The following CCDC181 variants were observed in gnomAD, a reference collection of about 807,000 sequenced individuals.
The protein encoded by CCDC181 is coiled-coil domain containing 181, also known as coiled-coil domain-containing protein 181.
A neutral mutation model predicts 58.7 loss-of-function variants in CCDC181; 35 were observed. The ratio of observed to expected loss-of-function variants is 0.60; its 90% CI spans 0.46 to 0.79. The LOEUF is 0.79. Among genes scored for constraint, CCDC181 ranks in the 30% least tolerant of loss-of-function variants. The pLI, the probability that CCDC181 is intolerant of heterozygous loss-of-function variation, is 0.00. For missense variants in CCDC181, 517 were observed against 583.9 expected (o/e 0.89, Z 1.18); for synonymous variants, 183 against 197.5 (o/e 0.93, Z 0.62).
intron 4 of CCDC181, among the ~76,000 whole-genome samples, chr1:169,406,350 A>G (rs1274634240): frequency 1.3e-5 from 2 of 152,234 alleles, no homozygotes; most frequent in Non-Finnish European, 2.9e-5. Flanking sequence ...ATGCACACAT[A>G]TGTTTATTGC....
intron 1 of CCDC181, among the ~76,000 whole-genome samples, chr1:169,425,946 A>G (rs1278734167): frequency 6.9e-6 from 1 of 145,802 alleles, no homozygotes; most frequent in East Asian, 1.9e-4. Flanking sequence ...TCACACACAC[A>G]TGAAAACTAA....
chr1:169,431,079 T>A (rs1656907951), upstream of CCDC181, among the ~76,000 whole-genome samples: 1 of 152,202 alleles, frequency 6.6e-6, no homozygotes, highest in African/African-American at 2.4e-5. Context: ...CATGGCAAGT[T>A]AGGGTTTTCC....
At chr1:169,434,981 G>T (rs754967660) in intron 2 of CCDC181, among the ~76,000 whole-genome samples, 10 of 152,060 alleles carry the variant, frequency 6.6e-5, no homozygotes, top group African/African-American at 9.7e-5. Flanking sequence ...GGTACAAGGT[G>T]TCAGTTTTAA....
upstream of CCDC181, among the ~76,000 whole-genome samples, chr1:169,428,758 C>T (rs879436670): frequency 7.2e-5 from 11 of 152,220 alleles, no homozygotes; most frequent in South Asian, 4.1e-4. Flanking sequence ...CGGGTTCAAG[C>T]GATTCTTGTG....
Position 169,421,739 on chromosome 1 carries a change from T to A in CCDC181, c.692A>T (p.Gln231Leu). 6.2e-7 allele frequency: 1 copy of A among 1,614,094 alleles called. No homozygotes were observed. Among genetic ancestry groups the A allele is most frequent in the Non-Finnish European group, 8.5e-7 (1 of 1,180,006 alleles). The stretch of plus-strand genomic sequence containing the variant: ...CAAAAACCCCTGACTGGCAATGTCT[T>A]GTAAATTCAGAAGTTCAAATTTTCC... ...RDGKFELLNL[Q>L]DIASQGFLPP... Residue 231 changes from glutamine (Q) to leucine (L), a missense_variant, in exon 3 of 6, where the codon CAA becomes CTA. Transcript: ENST00000367806.
intron 1 of CCDC181, among the ~76,000 whole-genome samples, chr1:169,426,520 T>C (rs1027583091): frequency 6.6e-6 from 1 of 152,226 alleles, no homozygotes; most frequent in Non-Finnish European, 1.5e-5. Flanking sequence ...GTAAATCCCA[T>C]GTGGATAGGT....
chr1:169,424,589 G>GT (rs1331474024), intron 2 of CCDC181, among the ~76,000 whole-genome samples: 1 of 151,462 alleles, frequency 6.6e-6, no homozygotes, highest in Non-Finnish European at 1.5e-5. Context: ...AAATGCTAGC[G>GT]TAATAACTGT....
At chr1:169,424,406 A>G (rs1345755133) in intron 2 of CCDC181, among the ~76,000 whole-genome samples, 1 of 151,972 alleles carries the variant, frequency 6.6e-6, no homozygotes, top group African/African-American at 2.4e-5. Flanking sequence ...TCATGTGTTT[A>G]GAGGATTTGC....
chr1:169,440,731 A>G (rs1037092193), intron 2 of CCDC181, among the ~76,000 whole-genome samples: 1 of 152,050 alleles, frequency 6.6e-6, no homozygotes, highest in African/African-American at 2.4e-5. Context: ...AGCTTGGCCA[A>G]CATGGCAAAA....
chr1:169,454,881 C>T (rs892588887), intron 2 of CCDC181, among the ~76,000 whole-genome samples: 2 of 151,824 alleles, frequency 1.3e-5, no homozygotes, highest in Non-Finnish European at 2.9e-5. Context: ...TATTCTTAAC[C>T]AATATGTTGT....
At position 169,421,487 on chromosome 1, in the gene CCDC181, C is replaced by T; in HGVS notation, c.944G>A (p.Gly315Glu). The T allele has an allele frequency of 6.2e-7, 1 of 1,613,976 alleles. No homozygotes were observed. Among genetic ancestry groups the T allele is most frequent in the South Asian group, 1.1e-5 (1 of 91,084 alleles). ...AGACTGTGTCCTGTGATTAGATTTCCCATTCCCTTTACTTCGATCTGAGTT... is the reference window on the plus strand; with the variant it reads ...AGACTGTGTCCTGTGATTAGATTTCTCATTCCCTTTACTTCGATCTGAGTT... ...AVNSDRSKGN[G>E]KSNHRTQSAH... Residue 315 changes from glycine (G) to glutamate (E), a missense_variant, in exon 3 of 6, where the codon GGG (glycine) becomes GAG (glutamate). Gly to Glu is a moderately conservative substitution (Grantham distance 98, BLOSUM62 -2). Coordinates refer to ENST00000367806, the MANE Select transcript of CCDC181 (RefSeq NM_001300969.2).
chr1:169,457,755 A>C (rs975957242), intron 2 of CCDC181, among the ~76,000 whole-genome samples: 1 of 152,134 alleles, frequency 6.6e-6, no homozygotes, highest in Non-Finnish European at 1.5e-5. Context: ...AATTTAATAA[A>C]TATACAAAAA....
At chr1:169,416,513 AG>A (rs1483096340) in intron 4 of CCDC181, among the ~76,000 whole-genome samples, 1 of 152,224 alleles carries the variant, frequency 6.6e-6, no homozygotes, top group Non-Finnish European at 1.5e-5. Context: ...TATTTAATAT[AG>A]AACCTTACAT....
chr1:169,410,402 G>A (rs1655900018), intron 4 of CCDC181, among the ~76,000 whole-genome samples: 1 of 152,110 alleles, frequency 6.6e-6, no homozygotes, highest in Non-Finnish European at 1.5e-5. Context: ...CAAGCCCTTA[G>A]AGACCTATAA....
intron 4 of CCDC181, among the ~76,000 whole-genome samples, chr1:169,408,872 C>T (rs1209108708): frequency 3.9e-5 from 6 of 152,132 alleles, no homozygotes; most frequent in Non-Finnish European, 8.8e-5. Context: ...ACACAAAAAC[C>T]CCATCCAAAG....
chr1:169,458,178 T>TA (rs1317239399), intron 2 of CCDC181, among the ~76,000 whole-genome samples: 1 of 142,516 alleles, frequency 7.0e-6, no homozygotes, highest in African/African-American at 2.6e-5. Flanking sequence ...AATTTTTGTT[T>TA]TTTTTTTTTT....
chr1:169,453,122 G>A (rs1341438807), intron 2 of CCDC181, among the ~76,000 whole-genome samples: 2 of 151,532 alleles, frequency 1.3e-5, no homozygotes, highest in African/African-American at 4.8e-5. Context: ...AGATGAATCA[G>A]CAAAATATGC....
intron 2 of CCDC181, among the ~76,000 whole-genome samples, chr1:169,438,299 C>G (rs1657111982): frequency 6.6e-6 from 1 of 151,908 alleles, no homozygotes; most frequent in Non-Finnish European, 1.5e-5. Context: ...ACAGAGAGAC[C>G]AGAAACTCGT....
chr1:169,423,078 T>TG (rs11438602), intron 2 of CCDC181, among the ~76,000 whole-genome samples: 1 of 147,074 alleles, frequency 6.8e-6, no homozygotes, highest in Non-Finnish European at 1.5e-5. Context: ...TATATATATA[T>TG]TTTTTCTCTT....
Sources: allele counts gnomAD v4.1 joint callset (sites outside exome capture counted in the v4.1 genomes callset), GRCh38; gene constraint gnomAD v4.1.1; transcripts MANE v1.5; gene names NCBI Gene and HGNC (gene_info 2026-07-23, HGNC 2026-07-21).